PPP1R7: variants seen among roughly 807,000 people sequenced by gnomAD.
PPP1R7 encodes protein phosphatase 1 regulatory subunit 22.
PPP1R7 carries 18 observed loss-of-function variants against 45.2 expected under a neutral mutation model. The observed-to-expected ratio is 0.40, with a 90% CI of 0.28 to 0.59. The LOEUF (loss-of-function observed/expected upper bound fraction) is 0.59. Ranked by LOEUF, PPP1R7 falls within the 20% of genes least tolerant of loss-of-function variation. PPP1R7 has a pLI of 0.46. For missense variants in PPP1R7, 314 were observed against 455.8 expected (o/e 0.69, Z 2.83); for synonymous variants, 181 against 183.4 (o/e 0.99, Z 0.11).
chr2:241,176,152 A>C (rs62187413), intron 9 of PPP1R7, among the ~76,000 whole-genome samples: 41,818 of 152,144 alleles, frequency 0.27, 6,941 homozygotes, highest in Middle Eastern at 0.45. Context: ...AACTCAAGCA[A>C]TCCTCCTGCC....
At chr2:241,157,708 TG>T in intron 2 of PPP1R7, 98 bp from the exon 3 acceptor site, 2 of 1,195,252 alleles carry the variant, frequency 1.7e-6, no homozygotes, top group Non-Finnish European at 2.4e-6. Flanking sequence ...GAGCTGGCTC[TG>T]GGCACCAAAC....
Position 241,159,261 on chromosome 2 carries a change from G to A in PPP1R7, c.352G>A (p.Glu118Lys). Residue 118 changes from glutamate to lysine, a missense_variant, in exon 5 of 10, where the codon GAG becomes AAG. This residue lies in a region of PPP1R7 where 112 missense variants were observed against 144.5 expected (regional missense o/e 0.78). Coordinates refer to ENST00000234038, the MANE Select transcript of PPP1R7 (RefSeq NM_002712.3). ...NLIKCIENLE[E>K]LQSLRELDLY... ...AATTAAATGCATTGAGAATCTGGAG[G>A]AGCTACAGAGTCTTCGAGAGCTGGA... is the stretch of plus-strand genomic sequence containing the variant. The A allele has an allele frequency of 6.2e-7, 1 of 1,613,800 alleles. No homozygotes were observed. Among genetic ancestry groups the A allele is most frequent in the Non-Finnish European group, 8.5e-7 (1 of 1,179,772 alleles).
chr2:241,165,526 A>T (rs1400755829), intron 7 of PPP1R7, among the ~76,000 whole-genome samples: 1 of 152,210 alleles, frequency 6.6e-6, no homozygotes, highest in Admixed American at 6.5e-5. Flanking sequence ...TTAGCTCAGT[A>T]CAGCAGGCTC....
intron 1 of PPP1R7, 152 bp from the exon 2 acceptor site, chr2:241,153,324 C>T (rs2067364820): frequency 9.6e-7 from 1 of 1,046,736 alleles, no homozygotes. Context: ...TCAAATGGTG[C>T]TGGGACATGG....
rs1030487090 is a variant in PPP1R7 at position 241,160,567 on chromosome 2, G to A, written c.597+73G>A. 10 of 1,327,660 alleles carry A rather than the reference G, an allele frequency of 7.5e-6. No individual in the cohort carries two copies. In the Admixed American group the frequency reaches 1.0e-4, roughly 14 times the overall value. 82.2% of individuals were successfully genotyped at this position (1,327,660 alleles called of 1,614,324 possible). ...CGGGCTGTGTGTGGACTCAGTGGGT[G>A]TATGTAGAATGCATGGTGAGTCTGC... On this transcript the variant is annotated intron_variant, in intron 6 of 9. Transcript: ENST00000234038.
rs578053855 is a variant in PPP1R7 at position 241,166,586 on chromosome 2, T to C, written c.819+145T>C. 5.9e-4 allele frequency: 401 copies of C among 676,840 alleles called. 3 individuals carry two copies. Among genetic ancestry groups the C allele is most frequent in the South Asian group, 4.9e-3 (265 of 53,784 alleles). 41.9% of individuals were successfully genotyped at this position (676,840 alleles called of 1,614,324 possible). Reference sequence around the variant, plus strand: ...GAGGTTTATCAGAAAGACCTTCCCATCCTAAAAACTAAGGGACCCTTTCCT... The same window carrying C: ...GAGGTTTATCAGAAAGACCTTCCCACCCTAAAAACTAAGGGACCCTTTCCT... On this transcript the variant is annotated intron_variant, in intron 8 of 9. Transcript: ENST00000234038.
rs1559431959 is a variant in PPP1R7 at position 241,183,401 on chromosome 2, G to A, written c.*578G>A. The A allele has an allele frequency of 2.1e-6, 1 of 471,190 alleles. No individual in the cohort carries two copies. Among genetic ancestry groups the A allele is most frequent in the Non-Finnish European group, 4.4e-6 (1 of 227,044 alleles). The allele number at this position is 471,190 out of a possible 1,614,324, so 29.2% of individuals were successfully genotyped here. ...TAGAGCTCTCCTTCAAAGAGCGCCGGGCAGGGCTGACTGTTTTCACGTGTG... is the reference window on the plus strand; with the variant it reads ...TAGAGCTCTCCTTCAAAGAGCGCCGAGCAGGGCTGACTGTTTTCACGTGTG... On this transcript the variant is annotated 3_prime_UTR_variant, in exon 10 of 10. Coordinates refer to ENST00000234038, the MANE Select transcript of PPP1R7 (RefSeq NM_002712.3).
At chr2:241,181,981 C>T (rs11688421) in intron 9 of PPP1R7, among the ~76,000 whole-genome samples, 34,673 of 150,248 alleles carry the variant, frequency 0.23, 4,610 homozygotes, top group Non-Finnish European at 0.3. Context: ...CCAGCCTGGG[C>T]GACAGAGCGA....
At chr2:241,154,179 CAAAAAAAAAAAAAA>C (rs1167747738) in intron 2 of PPP1R7, among the ~76,000 whole-genome samples, 3 of 50,492 alleles carry the variant, frequency 5.9e-5, no homozygotes, top group Non-Finnish European at 1.2e-4. Context: ...TACTCCTTCT[CAAAAAAAAAAAAAA>C]AAAAAAAAAA....
upstream of PPP1R7, chr2:241,150,325 G>C (rs1008308817): frequency 1.7e-5 from 22 of 1,323,816 alleles, no homozygotes; most frequent in Non-Finnish European, 2.1e-5. Flanking sequence ...GGCGCGGCGC[G>C]CGGCCTCATG....
intron 8 of PPP1R7, among the ~76,000 whole-genome samples, chr2:241,167,614 A>G (rs1187061662): frequency 6.6e-6 from 1 of 152,256 alleles, no homozygotes; most frequent in African/African-American, 2.4e-5. Flanking sequence ...GAGACAGACA[A>G]TCTGCAGCAC....
intron 4 of PPP1R7, 142 bp from the exon 5 acceptor site, chr2:241,159,071 C>G: frequency 9.4e-7 from 1 of 1,065,184 alleles, no homozygotes; most frequent in South Asian, 1.5e-5. Flanking sequence ...TCTCAAAGGT[C>G]AGCACCTTTC....
intron 6 of PPP1R7, among the ~76,000 whole-genome samples, chr2:241,160,900 A>C (rs934247195): frequency 6.6e-5 from 10 of 151,324 alleles, no homozygotes; most frequent in African/African-American, 2.4e-4. Flanking sequence ...GAGTGAACTG[A>C]TGTACATACC....
Position 241,183,407 on chromosome 2 carries a change from GCTGA to G in PPP1R7, c.*588_*591del, listed in dbSNP as rs2068043696. The G allele has an allele frequency of 2.1e-6, 1 of 471,082 alleles. No individual in the cohort carries two copies. Among genetic ancestry groups the G allele is most frequent in the South Asian group, 1.5e-5 (1 of 64,578 alleles). 29.2% of individuals were successfully genotyped at this position (471,082 alleles called of 1,614,324 possible). ...TCTCCTTCAAAGAGCGCCGGGCAGGGCTGACTGTTTTCACGTGTGCCCGTCAGTT... is the reference window on the plus strand; with the variant it reads ...TCTCCTTCAAAGAGCGCCGGGCAGGGCTGTTTTCACGTGTGCCCGTCAGTT... On this transcript the variant is annotated 3_prime_UTR_variant, in exon 10 of 10. Coordinates refer to ENST00000234038, the MANE Select transcript of PPP1R7 (RefSeq NM_002712.3).
chr2:241,167,037 T>C, intron 8 of PPP1R7: 2 of 1,611,096 alleles, frequency 1.2e-6, no homozygotes, highest in Non-Finnish European at 1.7e-6. Flanking sequence ...CCGGCCCTTC[T>C]CACTCAGGTG....
At chr2:241,166,272 C>T in intron 7 of PPP1R7, 65 bp from the exon 8 acceptor site, 1 of 1,360,550 alleles carries the variant, frequency 7.3e-7, no homozygotes, top group Non-Finnish European at 1.0e-6. Flanking sequence ...ACCTCGTTTC[C>T]TAAAAACCGT....
intron 1 of PPP1R7, among the ~76,000 whole-genome samples, chr2:241,150,795 C>T (rs1470797345): frequency 6.6e-6 from 1 of 152,176 alleles, no homozygotes; most frequent in Non-Finnish European, 1.5e-5. Context: ...CGAGGCCAGG[C>T]CGGGGGTGGG....
chr2:241,173,339 G>T (rs1378065441), intron 9 of PPP1R7, among the ~76,000 whole-genome samples: 7 of 150,212 alleles, frequency 4.7e-5, no homozygotes, highest in African/African-American at 1.2e-4. Flanking sequence ...GAACTCCTGA[G>T]CTCAGACAGT....
intron 1 of PPP1R7, among the ~76,000 whole-genome samples, chr2:241,152,379 C>G (rs572486461): frequency 1.3e-5 from 2 of 152,180 alleles, no homozygotes; most frequent in African/African-American, 4.8e-5. Flanking sequence ...ATCAGACTCT[C>G]TGGCAGGGGA....
Sources: gnomAD v4.1 joint callset for allele counts (sites outside exome capture counted in the v4.1 genomes callset) on GRCh38, gnomAD v4.1.1 for gene constraint, gnomAD v4.1.1 regional missense constraint, MANE v1.5 for transcripts, NCBI Gene and HGNC (gene_info 2026-07-23, HGNC 2026-07-21) for gene names.